XRCC4: variants seen among roughly 807,000 people sequenced by gnomAD.
The protein encoded by XRCC4 is X-ray repair cross complementing 4.
XRCC4 carries 28 observed loss-of-function variants against 39.1 expected under a neutral mutation model. That is an observed-to-expected ratio of 0.72 (90% CI 0.53 to 0.98). The LOEUF is 0.98. Among genes scored for constraint, XRCC4 ranks in the 50% least tolerant of loss-of-function variants. XRCC4 has a pLI of 0.00. For missense variants in XRCC4, 350 were observed against 376.4 expected (o/e 0.93, Z 0.58); for synonymous variants, 123 against 126.4 (o/e 0.97, Z 0.18).
chr5:83,330,494 C>G (rs1318361761), intron 7 of XRCC4, among the ~76,000 whole-genome samples: 1 of 151,904 alleles, frequency 6.6e-6, no homozygotes, highest in Non-Finnish European at 1.5e-5. Context: ...AGCATTTATA[C>G]AAGCTATTAT....
At chr5:83,145,276 C>G (rs1016508705) in intron 3 of XRCC4, among the ~76,000 whole-genome samples, 1 of 152,168 alleles carries the variant, frequency 6.6e-6, no homozygotes, top group Non-Finnish European at 1.5e-5. Flanking sequence ...TCTAGATAAA[C>G]TTATGTCAGT....
At chr5:83,314,352 G>T (rs775041347) in intron 7 of XRCC4, among the ~76,000 whole-genome samples, 2 of 152,132 alleles carry the variant, frequency 1.3e-5, no homozygotes, top group South Asian at 2.1e-4. Flanking sequence ...CATTCTAATT[G>T]TAGGTGAAAT....
chr5:83,278,324 G>A (rs1754407383), intron 7 of XRCC4, among the ~76,000 whole-genome samples: 1 of 152,188 alleles, frequency 6.6e-6, no homozygotes, highest in African/African-American at 2.4e-5. Flanking sequence ...TAGAATTTTT[G>A]AGGTAGAAGT....
chr5:83,270,355 GCTT>G (rs971410763), intron 7 of XRCC4, among the ~76,000 whole-genome samples: 70 of 152,252 alleles, frequency 4.6e-4, no homozygotes, highest in African/African-American at 1.6e-3. Flanking sequence ...GTTATCTTTA[GCTT>G]CTTCTTTTCT....
chr5:83,244,321 C>T (rs745488662), intron 6 of XRCC4, among the ~76,000 whole-genome samples: 5 of 152,068 alleles, frequency 3.3e-5, no homozygotes, highest in Non-Finnish European at 7.4e-5. Flanking sequence ...TTCTGGGAGA[C>T]AAATAATTTA....
intron 7 of XRCC4, among the ~76,000 whole-genome samples, chr5:83,274,870 A>C (rs1754270636): frequency 3.3e-5 from 5 of 152,210 alleles, no homozygotes. Flanking sequence ...ATAATGGTAA[A>C]TTTTAAGGGC....
At chr5:83,208,661 G>A (rs763700433) in intron 6 of XRCC4, among the ~76,000 whole-genome samples, 3 of 151,882 alleles carry the variant, frequency 2.0e-5, no homozygotes, top group Non-Finnish European at 4.4e-5. Context: ...CATATGTACT[G>A]TATGATGTAG....
chr5:83,260,850 C>T (rs1453008287), intron 7 of XRCC4, among the ~76,000 whole-genome samples: 2 of 151,926 alleles, frequency 1.3e-5, no homozygotes, highest in Non-Finnish European at 2.9e-5. Flanking sequence ...TAACGGTCTG[C>T]TAATTATATC....
intron 3 of XRCC4, among the ~76,000 whole-genome samples, chr5:83,184,748 A>C (rs1465455842): frequency 2.0e-5 from 3 of 152,116 alleles, no homozygotes; most frequent in Non-Finnish European, 4.4e-5. Context: ...TCCCAGCCCC[A>C]GTTAGATTTT....
At chr5:83,098,288 A>C (rs376248845) in intron 1 of XRCC4, among the ~76,000 whole-genome samples, 1 of 152,222 alleles carries the variant, frequency 6.6e-6, no homozygotes, top group East Asian at 1.9e-4. Flanking sequence ...CTTATACATC[A>C]GCTGTATATT....
At chr5:83,371,839 CA>C in the XRCC4 span, among the ~76,000 whole-genome samples, 1 of 152,018 alleles carries the variant, frequency 6.6e-6, no homozygotes, top group African/African-American at 2.4e-5. Context: ...TTAGGGTCAC[CA>C]AAAAGGCAGA....
At chr5:83,120,671 TTTAC>T (rs557367747) in intron 3 of XRCC4, among the ~76,000 whole-genome samples, 203 of 152,320 alleles carry the variant, frequency 1.3e-3, no homozygotes, top group Non-Finnish European at 2.3e-3. Flanking sequence ...ATATACCACT[TTTAC>T]TTTTTGATGA....
chr5:83,303,026 A>C (rs1755346037), intron 7 of XRCC4, among the ~76,000 whole-genome samples: 1 of 152,130 alleles, frequency 6.6e-6, no homozygotes, highest in African/African-American at 2.4e-5. Context: ...TAGCCTGGCC[A>C]ACATGGTGAA....
At chr5:83,144,729 G>A (rs1748368875) in intron 3 of XRCC4, among the ~76,000 whole-genome samples, 1 of 151,552 alleles carries the variant, frequency 6.6e-6, no homozygotes, top group African/African-American at 2.4e-5. Flanking sequence ...CCTGCAGATT[G>A]GATAATTTAT....
At chr5:83,096,205 C>A (rs1745668628) in intron 1 of XRCC4, among the ~76,000 whole-genome samples, 1 of 151,964 alleles carries the variant, frequency 6.6e-6, no homozygotes, top group African/African-American at 2.4e-5. Context: ...CAAGAAAGGT[C>A]CCCCTTGGGA....
chr5:83,115,958 C>T (rs541328978), intron 3 of XRCC4, among the ~76,000 whole-genome samples: 135 of 152,216 alleles, frequency 8.9e-4, no homozygotes, highest in African/African-American at 3.1e-3. Context: ...GTAAAACTTT[C>T]AGTGGATGGA....
intron 4 of XRCC4, among the ~76,000 whole-genome samples, chr5:83,203,107 G>A (rs2112726848): frequency 6.6e-6 from 1 of 152,118 alleles, no homozygotes; most frequent in African/African-American, 2.4e-5. Context: ...TTGTGGAGCA[G>A]TTTGTTGTCT....
downstream of XRCC4, among the ~76,000 whole-genome samples, chr5:83,356,456 G>A (rs953320799): frequency 6.6e-6 from 1 of 152,032 alleles, no homozygotes; most frequent in Non-Finnish European, 1.5e-5. Context: ...GTCTATAAAG[G>A]TCATAATATT....
At chr5:83,226,024 G>A (rs764096020) in intron 6 of XRCC4, among the ~76,000 whole-genome samples, 4 of 151,988 alleles carry the variant, frequency 2.6e-5, no homozygotes, top group Non-Finnish European at 5.9e-5. Context: ...CTCTTCGGGG[G>A]ATAAACAGGG....
Sources: gnomAD v4.1 joint callset for allele counts (sites outside exome capture counted in the v4.1 genomes callset) on GRCh38, gnomAD v4.1.1 for gene constraint, MANE v1.5 for transcripts, NCBI Gene and HGNC (gene_info 2026-07-23, HGNC 2026-07-21) for gene names.